Variants in ARL15 observed in about 807,000 individuals in gnomAD.
The protein encoded by ARL15 is ADP-ribosylation factor-like protein 15.
ARL15 carries 19 observed loss-of-function variants against 25.2 expected under a neutral mutation model. The ratio of observed to expected loss-of-function variants is 0.75; its 90% confidence interval spans 0.53 to 1.10. The LOEUF (loss-of-function observed/expected upper bound fraction) is 1.10, where lower values mean the gene tolerates loss of function less well. ARL15 is among the 50% of genes least tolerant of loss of function. ARL15 has a pLI of 0.00. For missense variants in ARL15, 220 were observed against 246.0 expected (o/e 0.89, Z 0.71); for synonymous variants, 94 against 86.8 (o/e 1.08, Z -0.46).
intron 1 of ARL15, among the ~76,000 whole-genome samples, chr5:54,209,869 C>T (rs1391916700): frequency 6.6e-6 from 1 of 152,086 alleles, no homozygotes; most frequent in Admixed American, 6.6e-5. Context: ...TATCTTCTCC[C>T]TCAAAGAAGT....
chr5:54,214,189 C>G (rs370427754), intron 1 of ARL15, among the ~76,000 whole-genome samples: 2 of 152,268 alleles, frequency 1.3e-5, no homozygotes, highest in South Asian at 2.1e-4. Flanking sequence ...TAATAAGAAG[C>G]CTTCAGCTCC....
At chr5:54,309,016 A>C (rs1758829752) in intron 1 of ARL15, among the ~76,000 whole-genome samples, 1 of 152,240 alleles carries the variant, frequency 6.6e-6, no homozygotes, top group South Asian at 2.1e-4. Flanking sequence ...TTACAAATTA[A>C]ATCAGTTATT....
At chr5:54,014,204 C>T (rs1749333523) in intron 4 of ARL15, among the ~76,000 whole-genome samples, 1 of 152,066 alleles carries the variant, frequency 6.6e-6, no homozygotes, top group African/African-American at 2.4e-5. Context: ...AACACTACTC[C>T]CTGGTATAAT....
chr5:53,900,699 T>A (rs1745039026), intron 4 of ARL15, among the ~76,000 whole-genome samples: 1 of 152,112 alleles, frequency 6.6e-6, no homozygotes, highest in South Asian at 2.1e-4. Flanking sequence ...AAAATGTTAG[T>A]AAAAGAAGAA....
intron 4 of ARL15, among the ~76,000 whole-genome samples, chr5:54,019,984 A>C (rs1021859730): frequency 1.3e-5 from 2 of 152,244 alleles, no homozygotes; most frequent in African/African-American, 4.8e-5. Context: ...TGACGCTACA[A>C]CACCAGACAA....
At chr5:53,941,185 A>G (rs1746529037) in intron 4 of ARL15, among the ~76,000 whole-genome samples, 1 of 152,044 alleles carries the variant, frequency 6.6e-6, no homozygotes, top group African/African-American at 2.4e-5. Flanking sequence ...TTACTTCTGT[A>G]TAAGCTTTTT....
intron 4 of ARL15, among the ~76,000 whole-genome samples, chr5:54,089,825 G>A (rs984376945): frequency 6.6e-6 from 1 of 152,042 alleles, no homozygotes; most frequent in African/African-American, 2.4e-5. Context: ...TGAATCAAAA[G>A]GATTAAAAGT....
intron 4 of ARL15, among the ~76,000 whole-genome samples, chr5:53,970,060 T>A (rs1747685151): frequency 6.6e-6 from 1 of 152,192 alleles, no homozygotes; most frequent in Admixed American, 6.5e-5. Context: ...CAAGTATGCA[T>A]CTAGTTTAAT....
chr5:54,079,966 GTCAC>G (rs1397691300), intron 4 of ARL15, among the ~76,000 whole-genome samples: 1 of 90,684 alleles, frequency 1.1e-5, no homozygotes, highest in African/African-American at 5.0e-5. Flanking sequence ...GTGAGACTCC[GTCAC>G]ACACACACAC....
intron 4 of ARL15, among the ~76,000 whole-genome samples, chr5:53,964,420 C>T (rs551559900): frequency 1.7e-4 from 26 of 152,176 alleles, no homozygotes; most frequent in East Asian, 5.8e-4. Flanking sequence ...AGTGCAGTGG[C>T]GTGATCTCGG....
At chr5:54,154,499 A>G (rs1754162109) in intron 3 of ARL15, 81 bp downstream of exon 3, 1 of 842,092 alleles carries the variant, frequency 1.2e-6, no homozygotes, top group African/African-American at 1.8e-5. Flanking sequence ...AGTTATCATT[A>G]TGTTTGAATT....
chr5:54,175,524 G>A (rs1043524227), intron 1 of ARL15, among the ~76,000 whole-genome samples: 6 of 151,684 alleles, frequency 4.0e-5, no homozygotes, highest in African/African-American at 1.2e-4. Flanking sequence ...TAGTAGAGAC[G>A]GGGTTTCACC....
chr5:54,286,398 A>G (rs1392263514), intron 1 of ARL15: 1 of 152,230 alleles, frequency 6.6e-6, no homozygotes, highest in Admixed American at 6.5e-5. Flanking sequence ...GTAAGAGTTC[A>G]ATCAGTATTC....
intron 4 of ARL15, among the ~76,000 whole-genome samples, chr5:54,064,049 A>G (rs565396874): frequency 9.2e-5 from 14 of 152,314 alleles, no homozygotes; most frequent in Non-Finnish European, 1.5e-4. Flanking sequence ...CATTCTGCTC[A>G]GTGAGTCAGA....
intron 1 of ARL15, among the ~76,000 whole-genome samples, chr5:54,194,764 T>C (rs946024513): frequency 1.3e-5 from 2 of 152,220 alleles, no homozygotes; most frequent in Non-Finnish European, 2.9e-5. Flanking sequence ...GATTAAAAAC[T>C]GTCTGAAAGG....
At chr5:54,215,315 T>C (rs1486161147) in intron 1 of ARL15, among the ~76,000 whole-genome samples, 1 of 152,118 alleles carries the variant, frequency 6.6e-6, no homozygotes, top group East Asian at 1.9e-4. Flanking sequence ...CAGGAAGGCT[T>C]TGGTGAACCA....
intron 4 of ARL15, among the ~76,000 whole-genome samples, chr5:54,089,119 C>T (rs1025087027): frequency 1.3e-5 from 2 of 152,174 alleles, no homozygotes; most frequent in Non-Finnish European, 2.9e-5. Context: ...GTATTCTAGT[C>T]TCAGCTCCAG....
intron 4 of ARL15, among the ~76,000 whole-genome samples, chr5:53,960,133 T>G (rs1252834253): frequency 6.6e-6 from 1 of 152,192 alleles, no homozygotes; most frequent in Non-Finnish European, 1.5e-5. Context: ...TATTGTTTTC[T>G]TCAACATAAA....
intron 1 of ARL15, among the ~76,000 whole-genome samples, chr5:54,252,390 C>T (rs968743956): frequency 1.3e-5 from 2 of 152,170 alleles, no homozygotes; most frequent in Non-Finnish European, 2.9e-5. Flanking sequence ...GTTTTAGATA[C>T]TTATTTTGCT....
Sources: gnomAD v4.1 joint callset for allele counts (sites outside exome capture counted in the v4.1 genomes callset) on GRCh38, gnomAD v4.1.1 for gene constraint, MANE v1.5 for transcripts, NCBI Gene and HGNC (gene_info 2026-07-23, HGNC 2026-07-21) for gene names.